The following TENM2 variants were observed in gnomAD, a reference collection of about 807,000 sequenced individuals.
TENM2 encodes teneurin transmembrane protein 2.
TENM2 carries 52 observed loss-of-function variants against 245.2 expected under a neutral mutation model. The observed-to-expected ratio is 0.21, with a 90% CI of 0.17 to 0.27. The LOEUF is 0.27. TENM2 is among the 10% of genes least tolerant of loss of function. The probability of loss-of-function intolerance (pLI) is 1.00; values close to 1 mark genes in which losing one functional copy is unlikely to be tolerated. For missense variants in TENM2, 3,046 were observed against 3,666.8 expected, an observed-to-expected ratio of 0.83 and a Z score of 4.37; for synonymous variants, 1,363 against 1,438.9, an observed-to-expected ratio of 0.95 and a Z score of 1.19.
intron 3 of TENM2, among the ~76,000 whole-genome samples, chr5:167,913,043 C>A (rs922034855): frequency 1.3e-5 from 2 of 152,092 alleles, no homozygotes; most frequent in African/African-American, 2.4e-5. Context: ...GCATTCATTC[C>A]ATAGCATCCC....
chr5:167,939,992 TC>T (rs373899866), intron 3 of TENM2, among the ~76,000 whole-genome samples: 17 of 152,270 alleles, frequency 1.1e-4, no homozygotes, highest in African/African-American at 3.9e-4. Flanking sequence ...AGGCCTCTGC[TC>T]CCATTAGTTC....
intron 1 of TENM2, among the ~76,000 whole-genome samples, chr5:167,370,690 A>G (rs1760363945): frequency 6.6e-6 from 1 of 152,268 alleles, no homozygotes; most frequent in South Asian, 2.1e-4. Context: ...TTGGCACATC[A>G]TCTATATGCA....
At chr5:167,872,530 AAGAAAGAAAGAAAGAAAG>A (rs1214373910) in intron 2 of TENM2, among the ~76,000 whole-genome samples, 2,776 of 49,862 alleles carry the variant, frequency 0.056, 50 homozygotes, top group South Asian at 0.081. Context: ...GAAAGAAAGA[AAGAAAGAAAGAAAGAAAG>A]AGAAAGAAAG....
intron 3 of TENM2, among the ~76,000 whole-genome samples, chr5:167,952,018 A>G (rs1027849706): frequency 2.0e-5 from 3 of 152,170 alleles, no homozygotes; most frequent in Admixed American, 6.5e-5. Context: ...TCTCTCCCTC[A>G]TTCCCACGTG....
intron 1 of TENM2, among the ~76,000 whole-genome samples, chr5:167,373,466 C>T (rs2127304450): frequency 6.6e-6 from 1 of 152,248 alleles, no homozygotes; most frequent in Non-Finnish European, 1.5e-5. Context: ...GTTTTCTCCA[C>T]TCATAGCAGA....
chr5:167,254,990 C>G, the TENM2 span, among the ~76,000 whole-genome samples: 6 of 151,552 alleles, frequency 4.0e-5, no homozygotes, highest in African/African-American at 1.5e-4. Flanking sequence ...CCTTATAGGC[C>G]GTGGGAATGA....
intron 2 of TENM2, among the ~76,000 whole-genome samples, chr5:167,834,661 T>TTTTTTTTTTTTTTTTTTTTTC (rs1554127838): frequency 1.6e-5 from 2 of 124,802 alleles, no homozygotes. Flanking sequence ...TTTTTTTTTT[T>TTTTTTTTTTTTTTTTTTTTTC]CTTTTTGAGA....
chr5:167,854,533 A>G (rs147415905), intron 2 of TENM2, among the ~76,000 whole-genome samples: 95 of 152,302 alleles, frequency 6.2e-4, no homozygotes, highest in African/African-American at 2.3e-3. Context: ...CTGTTCCAAA[A>G]CATCTAAAAG....
At chr5:167,350,736 T>TATATACATACGG in intron 1 of TENM2, among the ~76,000 whole-genome samples, 1 of 58,778 alleles carries the variant, frequency 1.7e-5, no homozygotes, top group African/African-American at 5.0e-5. Flanking sequence ...TACATATGGA[T>TATATACATACGG]ATATATATAT....
At chr5:167,217,967 TA>T in the TENM2 span, among the ~76,000 whole-genome samples, 1 of 151,936 alleles carries the variant, frequency 6.6e-6, no homozygotes, top group South Asian at 2.1e-4. Flanking sequence ...AAACTGTGCT[TA>T]AAAAAACACA....
chr5:167,115,978 A>G, the TENM2 span, among the ~76,000 whole-genome samples: 1 of 152,132 alleles, frequency 6.6e-6, no homozygotes, highest in Non-Finnish European at 1.5e-5. Context: ...ACCTAATAGG[A>G]CTGTTGTGAG....
chr5:167,553,455 TCTA>T (rs1274342635), intron 2 of TENM2, among the ~76,000 whole-genome samples: 7 of 152,148 alleles, frequency 4.6e-5, no homozygotes, highest in African/African-American at 1.4e-4. Flanking sequence ...TAGGAAGTCA[TCTA>T]CTCTCACATA....
At chr5:168,169,445 G>A (rs1338565957) in intron 13 of TENM2, among the ~76,000 whole-genome samples, 1 of 152,134 alleles carries the variant, frequency 6.6e-6, no homozygotes, top group Non-Finnish European at 1.5e-5. Flanking sequence ...GCCATCCAAG[G>A]CACTCCAGCC....
chr5:168,069,791 TA>T (rs1463502328), intron 7 of TENM2, among the ~76,000 whole-genome samples: 4 of 152,078 alleles, frequency 2.6e-5, no homozygotes, highest in African/African-American at 9.7e-5. Context: ...GTTTACGGAG[TA>T]AAATTACACC....
At chr5:167,980,051 T>C (rs1782720082) in intron 4 of TENM2, among the ~76,000 whole-genome samples, 1 of 152,120 alleles carries the variant, frequency 6.6e-6, no homozygotes, top group Non-Finnish European at 1.5e-5. Flanking sequence ...TAAATAAAAA[T>C]TGTTGGAACA....
chr5:167,965,912 C>T (rs769123310), intron 4 of TENM2, among the ~76,000 whole-genome samples: 1 of 152,046 alleles, frequency 6.6e-6, no homozygotes, highest in Non-Finnish European at 1.5e-5. Flanking sequence ...CTAGGAAGGG[C>T]GGGGGCTGGA....
intron 2 of TENM2, among the ~76,000 whole-genome samples, chr5:167,868,707 G>A (rs1290803647): frequency 7.3e-6 from 1 of 137,374 alleles, no homozygotes; most frequent in Admixed American, 8.0e-5. Context: ...CTGTACTCCA[G>A]CCTGAGTGAC....
chr5:166,994,247 G>A, the TENM2 span, among the ~76,000 whole-genome samples: 4 of 152,270 alleles, frequency 2.6e-5, no homozygotes, highest in East Asian at 1.9e-4. Flanking sequence ...TTTTTGTCAC[G>A]CATGCCAATT....
chr5:167,782,049 C>T (rs1015957518), intron 2 of TENM2, among the ~76,000 whole-genome samples: 34 of 151,948 alleles, frequency 2.2e-4, no homozygotes, highest in Non-Finnish European at 2.2e-4. Flanking sequence ...CACAGTGGCT[C>T]ACACCTGTAA....
Sources: gnomAD v4.1 joint callset for allele counts (sites outside exome capture counted in the v4.1 genomes callset) on GRCh38, gnomAD v4.1.1 for gene constraint, MANE v1.5 for transcripts, NCBI Gene and HGNC (gene_info 2026-07-23, HGNC 2026-07-21) for gene names.